GNAT1: variants seen among roughly 807,000 people sequenced by gnomAD.
The protein encoded by GNAT1 is guanine nucleotide-binding protein G(t) subunit alpha-1.
GNAT1 carries 36 observed loss-of-function variants against 40.0 expected under a neutral mutation model. That is an observed-to-expected ratio of 0.90 (90% CI 0.69 to 1.19). GNAT1 has a LOEUF of 1.19. Among genes scored for constraint, GNAT1 ranks in the 50% most tolerant of loss-of-function variants. GNAT1 has a pLI of 0.00. For missense variants in GNAT1, 413 were observed against 480.6 expected (o/e 0.86, Z 1.32); for synonymous variants, 195 against 192.9 (o/e 1.01, Z -0.09).
rs761796062 is a variant in GNAT1, at chr3:50,193,735, C to A, written c.450-18C>A. On this transcript the variant is annotated intron_variant, in intron 4 of 8. Transcript: ENST00000232461. This position sits in a 1 kb window ranked among gnomAD's most constrained non-coding sequence, Gnocchi z 8.1. Reference sequence around the variant, plus strand: ...CCCTCCACGCCTCCCCACCCACCTACGGCCGGGTCTCGCGCAGCTACCTCT... The same window carrying A: ...CCCTCCACGCCTCCCCACCCACCTAAGGCCGGGTCTCGCGCAGCTACCTCT... 1.9e-6 allele frequency: 3 copies of A among 1,603,204 alleles called. No homozygotes were observed. The highest frequency in any genetic ancestry group is 1.7e-6 in the Non-Finnish European group (2 of 1,175,654).
rs1274118766 is a variant in GNAT1, at chr3:50,194,512, C to T, written c.720C>T (p.His240=). 2 of 1,613,290 alleles carry T rather than the reference C, an allele frequency of 1.2e-6. No homozygotes were observed. The highest frequency in any genetic ancestry group is 1.1e-5 in the South Asian group (1 of 91,088). Residue 240 remains histidine (H), a synonymous_variant, in exon 7 of 9, where the codon CAC becomes CAT. Transcript: ENST00000232461. The surrounding 1 kb of genome is among the most constrained non-coding windows in gnomAD (Gnocchi z 6.1). ...GCTGCCCTCCTCAGAACCGCATGCA[C>T]GAGAGCCTGCACCTGTTCAACAGCA... ...LVEDDEVNRM[H]ESLHLFNSIC... is the part of the protein sequence containing the mutation.
chr3:50,193,961 C>T lies in GNAT1; in HGVS notation c.578+80C>T. On this transcript the variant is annotated intron_variant, in intron 5 of 8. Transcript: ENST00000232461. This position sits in a 1 kb window ranked among gnomAD's most constrained non-coding sequence, Gnocchi z 8.1. ...GGGGACCCCATCCCTGCGATAGACC[C>T]TGCCCCTTCCCTGATACCCCGCCAG... 1 of 1,600,808 alleles carries T rather than the reference C, an allele frequency of 6.2e-7. No homozygotes were observed. Among genetic ancestry groups the T allele is most frequent in the Non-Finnish European group, 8.6e-7 (1 of 1,168,606 alleles).
In GNAT1 at chr3:50,194,308, A is replaced by C; in HGVS notation, c.708+87A>C. 2.8e-6 allele frequency: 4 copies of C among 1,416,134 alleles called. No homozygotes were observed. The highest frequency in any genetic ancestry group is 3.9e-6 in the Non-Finnish European group (4 of 1,030,792). 87.7% of individuals were successfully genotyped at this position (1,416,134 alleles called of 1,614,324 possible). On this transcript the variant is annotated intron_variant, in intron 6 of 8. Coordinates refer to ENST00000232461, the MANE Select transcript of GNAT1 (RefSeq NM_144499.3). The surrounding 1 kb of genome is among the most constrained non-coding windows in gnomAD (Gnocchi z 6.1). ...CGGAGACCGCGCGCTGGGCTGGGGG[A>C]GGGCACGGGAGGGGATGCCTGTCCC...
intron 1 of GNAT1, among the ~76,000 whole-genome samples, chr3:50,192,296 C>T (rs1337279029): frequency 3.9e-5 from 6 of 152,200 alleles, no homozygotes; most frequent in African/African-American, 9.6e-5. Flanking sequence ...CCCAGATCCA[C>T]AACGAATGGC....
rs1699455495 is a variant in GNAT1, at chr3:50,193,717, C to A, written c.450-36C>A. Reference sequence around the variant, plus strand: ...GGCGCGGGGCGCAGGGGGCCCTCCACGCCTCCCCACCCACCTACGGCCGGG... The same window carrying A: ...GGCGCGGGGCGCAGGGGGCCCTCCAAGCCTCCCCACCCACCTACGGCCGGG... On this transcript the variant is annotated intron_variant, in intron 4 of 8. Coordinates refer to ENST00000232461, the MANE Select transcript of GNAT1 (RefSeq NM_144499.3). This position sits in a 1 kb window ranked among gnomAD's most constrained non-coding sequence, Gnocchi z 8.1. 1 of 1,599,062 alleles carries A rather than the reference C, an allele frequency of 6.3e-7. No individual in the cohort carries two copies. Among genetic ancestry groups the A allele is most frequent in the Non-Finnish European group, 8.5e-7 (1 of 1,173,508 alleles).
rs1478874353 is a variant in GNAT1, at chr3:50,193,479, C to T, written c.292-27C>T. On this transcript the variant is annotated intron_variant, in intron 3 of 8. Coordinates refer to ENST00000232461, the MANE Select transcript of GNAT1 (RefSeq NM_144499.3). The surrounding 1 kb of genome is among the most constrained non-coding windows in gnomAD (Gnocchi z 8.1). ...CGGCTGGGCCCGAGTCCCTGGCCGC[C>T]ACCAGCCACTCTCACCCTGCCCCCA... 6.2e-7 allele frequency: 1 copy of T among 1,611,924 alleles called. No homozygotes were observed. The highest frequency in any genetic ancestry group is 1.1e-5 in the South Asian group (1 of 90,990).
rs1252882654 is a variant in GNAT1, at chr3:50,194,537, A to G, written c.745A>G (p.Ile249Val). 1 of 1,613,708 alleles carries G rather than the reference A, an allele frequency of 6.2e-7. No homozygotes were observed. The highest frequency in any genetic ancestry group is 1.7e-5 in the Admixed American group (1 of 60,022). Residue 249 changes from isoleucine to valine, a missense_variant, in exon 7 of 9, where the codon ATC (isoleucine) becomes GTC (valine). By Grantham distance (29) the Ile-to-Val change is conservative (BLOSUM62 3). Coordinates refer to ENST00000232461, the MANE Select transcript of GNAT1 (RefSeq NM_144499.3). This position sits in a 1 kb window ranked among gnomAD's most constrained non-coding sequence, Gnocchi z 6.1. ...CGAGAGCCTGCACCTGTTCAACAGC[A>G]TCTGCAACCACCGCTACTTCGCCAC... is the stretch of plus-strand genomic sequence containing the variant. ...MHESLHLFNS[I>V]CNHRYFATTS...
chr3:50,193,913 TGCCC>T lies in GNAT1; in HGVS notation c.578+33_578+36del, dbSNP rs752953740. 35 of 1,612,782 alleles carry T rather than the reference TGCCC, an allele frequency of 2.2e-5. No homozygotes were observed. The highest frequency in any genetic ancestry group is 3.0e-5 in the Non-Finnish European group (35 of 1,179,624). ...CCCATACGCTAGCCCAGGAGGTCAC[TGCCC>T]CAGGCCCCGTCCTGCCCCGGGGACC... On this transcript the variant is annotated intron_variant, in intron 5 of 8. Transcript: ENST00000232461. This position sits in a 1 kb window ranked among gnomAD's most constrained non-coding sequence, Gnocchi z 8.1.
rs778497200 is a variant in GNAT1, at chr3:50,193,573, C to T, written c.359C>T (p.Ser120Leu). 1 of 1,613,162 alleles carries T rather than the reference C, an allele frequency of 6.2e-7. No homozygotes were observed. Among genetic ancestry groups the T allele is most frequent in the East Asian group, 2.2e-5 (1 of 44,862 alleles). ...GAGGGCACGATGCCCAAGGAGATGT[C>T]GGACATCATCCAGCGGCTGTGGAAG... The part of the protein sequence containing the change: ...IEEGTMPKEM[S>L]DIIQRLWKDS... The change falls in exon 4 of 9, where the codon TCG becomes TTG. Residue 120 changes from serine to leucine, a missense_variant. Physicochemically the swap from Ser to Leu is moderately radical, Grantham distance 145 (BLOSUM62 -2). Transcript: ENST00000232461. The surrounding 1 kb of genome is among the most constrained non-coding windows in gnomAD (Gnocchi z 8.1).
chr3:50,193,161 C>A lies in GNAT1; in HGVS notation c.135C>A (p.Ile45=). ...LGAGESGKST[I]VKQMKIIHQD... is the part of the protein sequence containing the mutation. ...CCGGTGAGTCCGGGAAGAGCACCAT[C>A]GTCAAGCAGATGAAGTGAGTGCCCC... The change falls in exon 2 of 9, where the codon ATC becomes ATA. Residue 45 remains isoleucine (I), a synonymous_variant. Transcript: ENST00000232461. The surrounding 1 kb of genome is among the most constrained non-coding windows in gnomAD (Gnocchi z 8.1). 1 of 1,613,990 alleles carries A rather than the reference C, an allele frequency of 6.2e-7. No individual in the cohort carries two copies. Among genetic ancestry groups the A allele is most frequent in the Non-Finnish European group, 8.5e-7 (1 of 1,179,986 alleles).
rs557645233 is a variant in GNAT1 at position 50,191,693 on chromosome 3, G to C, written c.-33G>C. The C allele has an allele frequency of 1.6e-5, 24 of 1,497,080 alleles. No individual in the cohort carries two copies. In the East Asian group the frequency reaches 2.9e-4, roughly 18 times the overall value. 92.7% of individuals were successfully genotyped at this position (1,497,080 alleles called of 1,614,324 possible). A position where few individuals can be genotyped will look rare whatever the true frequency, so the allele number is the denominator to read the frequency against. On this transcript the variant is annotated 5_prime_UTR_variant, in exon 1 of 9. Coordinates refer to ENST00000232461, the MANE Select transcript of GNAT1 (RefSeq NM_144499.3). ...TCCCCTCCATCCAGAAGAACCACCT[G>C]CTCACTCTGTCCCTTCGCCTGCTGC...
At position 50,193,034 on chromosome 3, in the gene GNAT1, G is replaced by T. The variant is rs1226117691; in HGVS notation, c.107-99G>T. 3.1e-6 allele frequency: 4 copies of T among 1,285,146 alleles called. No homozygotes were observed. The African/African-American group carries it at 4.4e-5, about 14-fold the overall frequency. 79.6% of individuals were successfully genotyped at this position (1,285,146 alleles called of 1,614,324 possible). The stretch of plus-strand genomic sequence containing the variant: ...CTGGCGCTCAGGCCTCTTCGCTGCG[G>T]GTCCACCCTGCCAACTCGGGAGGTC... On this transcript the variant is annotated intron_variant, in intron 1 of 8. Coordinates refer to ENST00000232461, the MANE Select transcript of GNAT1 (RefSeq NM_144499.3). The surrounding 1 kb of genome is among the most constrained non-coding windows in gnomAD (Gnocchi z 8.1).
rs1022532417 is a variant in GNAT1, at chr3:50,195,504, GCCT to G, written c.*240_*242del. 1 of 175,908 alleles carries G rather than the reference GCCT, an allele frequency of 5.7e-6. No individual in the cohort carries two copies. Among genetic ancestry groups the G allele is most frequent in the African/African-American group, 2.4e-5 (1 of 41,938 alleles). 10.9% of individuals were successfully genotyped at this position (175,908 alleles called of 1,614,324 possible). Reference sequence around the variant, plus strand: ...TGCCCTTCACCGCCCGGCTGCACTGGCCTCTAGGACTCACAGCAGCCAGCCCCA... The same window carrying G: ...TGCCCTTCACCGCCCGGCTGCACTGGCTAGGACTCACAGCAGCCAGCCCCA... On this transcript the variant is annotated 3_prime_UTR_variant, in exon 9 of 9. Transcript: ENST00000232461.
chr3:50,195,198 C>A, intron 8 of GNAT1, 70 bp from the exon 9 acceptor site: 1 of 589,584 alleles, frequency 1.7e-6, no homozygotes, highest in South Asian at 2.0e-5. Context: ...CAGGGCCGCC[C>A]CACCACACAC....
At position 50,193,466 on chromosome 3, in the gene GNAT1, AG is replaced by A. The variant is rs1319396649; in HGVS notation, c.292-39del. ...GACTCGAGGCTCGCGGCTGGGCCCG[AG>A]TCCCTGGCCGCCACCAGCCACTCTC... is the stretch of plus-strand genomic sequence containing the variant. On this transcript the variant is annotated intron_variant, in intron 3 of 8. Coordinates refer to ENST00000232461, the MANE Select transcript of GNAT1 (RefSeq NM_144499.3). This position sits in a 1 kb window ranked among gnomAD's most constrained non-coding sequence, Gnocchi z 8.1. The A allele has an allele frequency of 1.9e-6, 3 of 1,606,568 alleles. No homozygotes were observed. The highest frequency in any genetic ancestry group is 2.5e-6 in the Non-Finnish European group (3 of 1,177,876).
At position 50,194,005 on chromosome 3, in the gene GNAT1, C is replaced by G. The variant is rs1203948550; in HGVS notation, c.579-87C>G. On this transcript the variant is annotated intron_variant, in intron 5 of 8. Transcript: ENST00000232461. The surrounding 1 kb of genome is among the most constrained non-coding windows in gnomAD (Gnocchi z 6.1). ...CCGCCAGCAGAAAGGGTGGTAGTCC[C>G]GGCCGAGAGCTCCCCGACCAGCACA... is the stretch of plus-strand genomic sequence containing the variant. The G allele has an allele frequency of 4.4e-6, 7 of 1,603,584 alleles. No homozygotes were observed. The highest frequency in any genetic ancestry group is 6.0e-6 in the Non-Finnish European group (7 of 1,171,334).
rs958852388 is a variant in GNAT1, at chr3:50,194,039, G to A, written c.579-53G>A. On this transcript the variant is annotated intron_variant, in intron 5 of 8. Coordinates refer to ENST00000232461, the MANE Select transcript of GNAT1 (RefSeq NM_144499.3). This position sits in a 1 kb window ranked among gnomAD's most constrained non-coding sequence, Gnocchi z 6.1. ...GCTCCCCGACCAGCACAGGGCGAAG[G>A]GATGTTGCCTGTGGGGCCCGGGGCG... The A allele has an allele frequency of 6.2e-7, 1 of 1,610,894 alleles. No individual in the cohort carries two copies. Among genetic ancestry groups the A allele is most frequent in the Non-Finnish European group, 8.5e-7 (1 of 1,177,912 alleles).
rs749285549 is a variant in GNAT1 at position 50,193,920 on chromosome 3, G to A, written c.578+39G>A. On this transcript the variant is annotated intron_variant, in intron 5 of 8. Coordinates refer to ENST00000232461, the MANE Select transcript of GNAT1 (RefSeq NM_144499.3). This position sits in a 1 kb window ranked among gnomAD's most constrained non-coding sequence, Gnocchi z 8.1. Reference sequence around the variant, plus strand: ...GCTAGCCCAGGAGGTCACTGCCCCAGGCCCCGTCCTGCCCCGGGGACCCCA... The same window carrying A: ...GCTAGCCCAGGAGGTCACTGCCCCAAGCCCCGTCCTGCCCCGGGGACCCCA... The A allele has an allele frequency of 1.2e-6, 2 of 1,612,590 alleles. No individual in the cohort carries two copies. Among genetic ancestry groups the A allele is most frequent in the Non-Finnish European group, 1.7e-6 (2 of 1,179,454 alleles).
At position 50,191,827 on chromosome 3, in the gene GNAT1, T is replaced by G. The variant is rs1699415988; in HGVS notation, c.102T>G (p.Leu34=). ...ATGCTCGAACCGTGAAGCTGCTGCT[T>G]CTGGGTAGGGGTGTGGGCCCAGGTG... The part of the protein sequence containing the change: ...EKDARTVKLL[L]LGAGESGKST... Residue 34 remains leucine (L), a synonymous_variant, in exon 1 of 9, where the codon CTT becomes CTG. Transcript: ENST00000232461. 1.2e-6 allele frequency: 2 copies of G among 1,609,074 alleles called. No individual in the cohort carries two copies. Among genetic ancestry groups the G allele is most frequent in the Non-Finnish European group, 1.7e-6 (2 of 1,175,558 alleles).
Sources: allele counts gnomAD v4.1 joint callset (sites outside exome capture counted in the v4.1 genomes callset), GRCh38; gene constraint gnomAD v4.1.1; non-coding constraint Gnocchi (gnomAD v3.1); transcripts MANE v1.5; gene names NCBI Gene and HGNC (gene_info 2026-07-23, HGNC 2026-07-21).